CACHD1: variants seen among roughly 807,000 people sequenced by gnomAD.
CACHD1 encodes VWFA and cache domain-containing protein 1.
Under a neutral mutation model 138.7 loss-of-function variants are expected in CACHD1, and 71 were observed. The ratio of observed to expected loss-of-function variants is 0.51; its 90% CI spans 0.42 to 0.62. CACHD1 has a LOEUF of 0.62. Among genes scored for constraint, CACHD1 ranks in the 20% least tolerant of loss-of-function variants. CACHD1 has a pLI of 0.00. For missense variants in CACHD1, 1,389 were observed against 1,625.3 expected (o/e 0.85, Z 2.50); for synonymous variants, 578 against 591.5 (o/e 0.98, Z 0.33).
intron 1 of CACHD1, among the ~76,000 whole-genome samples, chr1:64,493,619 G>A (rs951909624): frequency 1.3e-5 from 2 of 152,216 alleles, no homozygotes; most frequent in African/African-American, 4.8e-5. Context: ...GAAAGGAATT[G>A]TGCAGATACC....
intron 26 of CACHD1, among the ~76,000 whole-genome samples, chr1:64,687,373 A>G (rs577075119): frequency 6.6e-6 from 1 of 152,168 alleles, no homozygotes; most frequent in African/African-American, 2.4e-5. Flanking sequence ...ATTTCCATTA[A>G]TGATTGAAAT....
In CACHD1 at chr1:64,600,666, T is replaced by A. The variant is rs192722902; in HGVS notation, c.411-2140T>A. On this transcript the variant is annotated intron_variant, in intron 3 of 26. Coordinates refer to ENST00000651257, the MANE Select transcript of CACHD1 (RefSeq NM_020925.4). ...GACATGGTGCTTCCCTTCATGGCACTCTTGTCTATTTATGGAATCTGATCT... is the reference window on the plus strand; with the variant it reads ...GACATGGTGCTTCCCTTCATGGCACACTTGTCTATTTATGGAATCTGATCT... Among the ~76,000 whole-genome samples, 298 of 152,356 alleles carry A rather than the reference T, an allele frequency of 2.0e-3. 1 individual carries two copies. The highest frequency in any genetic ancestry group is 3.4e-3 in the Non-Finnish European group (229 of 68,038).
At chr1:64,551,139 A>C (rs1211183603) in intron 2 of CACHD1, among the ~76,000 whole-genome samples, 3 of 152,170 alleles carry the variant, frequency 2.0e-5, no homozygotes, top group African/African-American at 4.8e-5. Flanking sequence ...AAATTGACCA[A>C]GAATGAAATA....
At chr1:64,647,733 A>G in intron 8 of CACHD1, 68 bp from the exon 9 acceptor site, 2 of 1,363,664 alleles carry the variant, frequency 1.5e-6, no homozygotes, top group Non-Finnish European at 2.1e-6. Context: ...TTTGATCTAA[A>G]TGGCAAGAGG....
chr1:64,543,707 A>G (rs1186856315), intron 1 of CACHD1, among the ~76,000 whole-genome samples: 1 of 151,976 alleles, frequency 6.6e-6, no homozygotes, highest in Non-Finnish European at 1.5e-5. Context: ...GAGGTTAAAT[A>G]GTCTGGTAAA....
intron 4 of CACHD1, among the ~76,000 whole-genome samples, chr1:64,621,186 A>C (rs1025074359): frequency 6.6e-6 from 1 of 152,238 alleles, no homozygotes; most frequent in African/African-American, 2.4e-5. Flanking sequence ...CTTGCTCATC[A>C]GTGGTCACAG....
At chr1:64,681,214 G>A (rs1424232578) in intron 24 of CACHD1, 44 bp from the exon 25 acceptor site, 1 of 1,489,342 alleles carries the variant, frequency 6.7e-7, no homozygotes, top group South Asian at 1.1e-5. Context: ...GGGTGATTTT[G>A]TTTGATTAAA....
Position 64,675,613 on chromosome 1 carries a change from A to T in CACHD1, c.2888+52A>T, listed in dbSNP as rs373175441. Reference sequence around the variant, plus strand: ...TGTTCACCACACTGTTTAATATTTCAACTGATGTCAGGCATTTTGAAGTGC... The same window carrying T: ...TGTTCACCACACTGTTTAATATTTCTACTGATGTCAGGCATTTTGAAGTGC... On this transcript the variant is annotated intron_variant, in intron 20 of 26. Coordinates refer to ENST00000651257, the MANE Select transcript of CACHD1 (RefSeq NM_020925.4). 64 of 1,547,452 alleles carry T rather than the reference A, an allele frequency of 4.1e-5. No individual in the cohort carries two copies. The African/African-American group carries it at 7.3e-4, about 18-fold the overall frequency.
Position 64,634,137 on chromosome 1 carries a change from A to C in CACHD1, c.883A>C (p.Arg295=). 6.2e-7 allele frequency: 1 copy of C among 1,614,006 alleles called. No individual in the cohort carries two copies. Among genetic ancestry groups the C allele is most frequent in the Non-Finnish European group, 8.5e-7 (1 of 1,179,988 alleles). Residue 295 remains arginine (R), a synonymous_variant, in exon 7 of 27, where the codon AGG becomes CGG. Coordinates refer to ENST00000651257, the MANE Select transcript of CACHD1 (RefSeq NM_020925.4). The part of the protein sequence containing the change: ...FLSPATSETK[R]KMSTFVSSVK... ...GTCTCCAGCCACCAGTGAGACAAAA[A>C]GGAAAATGTCCACCTTTGTTAGCAG...
intron 2 of CACHD1, 127 bp downstream of exon 2, chr1:64,550,783 T>C: frequency 6.3e-6 from 4 of 630,138 alleles, no homozygotes; most frequent in Non-Finnish European, 1.1e-5. Flanking sequence ...TTCACGTGCA[T>C]CTCATGCATA....
At chr1:64,531,326 T>C (rs937722613) in intron 1 of CACHD1, among the ~76,000 whole-genome samples, 1 of 152,244 alleles carries the variant, frequency 6.6e-6, no homozygotes, top group Non-Finnish European at 1.5e-5. Context: ...ATTTGCATAG[T>C]GTTTGTGGAT....
intron 3 of CACHD1, among the ~76,000 whole-genome samples, chr1:64,592,764 T>G (rs1176939252): frequency 6.6e-6 from 1 of 152,060 alleles, no homozygotes; most frequent in Non-Finnish European, 1.5e-5. Context: ...AGTTGGCAAA[T>G]GAAGAATAAA....
At chr1:64,575,395 AAGAACTTC>A (rs1646959103) in intron 2 of CACHD1, among the ~76,000 whole-genome samples, 1 of 152,240 alleles carries the variant, frequency 6.6e-6, no homozygotes, top group African/African-American at 2.4e-5. Context: ...ATTTTCTACG[AAGAACTTC>A]AGAATGCAGT....
chr1:64,658,668 A>G, intron 12 of CACHD1, 37 bp from the exon 13 acceptor site: 1 of 1,551,200 alleles, frequency 6.4e-7, no homozygotes, highest in South Asian at 1.2e-5. Context: ...TGGAACCCTC[A>G]TTTTCTAGGT....
chr1:64,538,179 C>T lies in CACHD1; in HGVS notation c.199-12415C>T, dbSNP rs183523101. On this transcript the variant is annotated intron_variant, in intron 1 of 26. Coordinates refer to ENST00000651257, the MANE Select transcript of CACHD1 (RefSeq NM_020925.4). ...GATATAGTCAGGAGGACCTGGGAGTCATTTATGTAATCATATTAGCATCAC... is the reference window on the plus strand; with the variant it reads ...GATATAGTCAGGAGGACCTGGGAGTTATTTATGTAATCATATTAGCATCAC... Among the ~76,000 whole-genome samples, 403 of 152,258 alleles carry T rather than the reference C, an allele frequency of 2.6e-3. 2 individuals are homozygous for T. Among genetic ancestry groups the T allele is most frequent in the Non-Finnish European group, 4.2e-3 (289 of 68,016 alleles).
At chr1:64,545,062 T>A (rs1347401726) in intron 1 of CACHD1, among the ~76,000 whole-genome samples, 1 of 152,162 alleles carries the variant, frequency 6.6e-6, no homozygotes, top group Admixed American at 6.5e-5. Context: ...GGGTTTAGAT[T>A]TTTCTTTGAG....
At chr1:64,503,321 G>A (rs886651121) in intron 1 of CACHD1, among the ~76,000 whole-genome samples, 5 of 152,142 alleles carry the variant, frequency 3.3e-5, no homozygotes, top group Non-Finnish European at 5.9e-5. Flanking sequence ...CTTTAGTTAA[G>A]GGGAAAAATC....
At chr1:64,534,189 G>A (rs763338700) in intron 1 of CACHD1, among the ~76,000 whole-genome samples, 10 of 151,820 alleles carry the variant, frequency 6.6e-5, no homozygotes, top group Non-Finnish European at 1.0e-4. Flanking sequence ...GATTACAGGT[G>A]TGCACCATCA....
chr1:64,583,634 A>ATTGTCTT (rs1647029094), intron 3 of CACHD1, among the ~76,000 whole-genome samples: 1 of 152,216 alleles, frequency 6.6e-6, no homozygotes, highest in South Asian at 2.1e-4. Flanking sequence ...CACACCACTA[A>ATTGTCTT]TAAAGACATA....
Sources: gnomAD v4.1 joint callset for allele counts (sites outside exome capture counted in the v4.1 genomes callset) on GRCh38, gnomAD v4.1.1 for gene constraint, MANE v1.5 for transcripts, NCBI Gene and HGNC (gene_info 2026-07-23, HGNC 2026-07-21) for gene names.